The following AGAP1 variants were observed in gnomAD, a reference collection of about 807,000 sequenced individuals.
AGAP1 encodes the protein ArfGAP with GTPase domain, ankyrin repeat and PH domain 1.
AGAP1 carries 29 observed loss-of-function variants against 105.3 expected under a neutral mutation model. The observed-to-expected ratio is 0.28, with a 90% confidence interval of 0.21 to 0.38. The LOEUF (loss-of-function observed/expected upper bound fraction) is 0.38. Ranked by LOEUF, AGAP1 falls within the 10% of genes least tolerant of loss-of-function variation. The probability of loss-of-function intolerance (pLI) is 1.00; values close to 1 mark genes in which losing one functional copy is unlikely to be tolerated. For synonymous variants in AGAP1, 509 were observed against 485.9 expected, an observed-to-expected ratio of 1.05 and a Z score of -0.63; for missense variants, 998 against 1,165.1, an observed-to-expected ratio of 0.86 and a Z score of 2.09.
At position 235,864,793 on chromosome 2, in the gene AGAP1, G is replaced by A. The variant is rs1368808944; in HGVS notation, c.1051-18552G>A. Among the ~76,000 whole-genome samples the A allele has an allele frequency of 6.6e-6, 1 of 152,150 alleles. No homozygotes were observed. Among genetic ancestry groups the A allele is most frequent in the Non-Finnish European group, 1.5e-5 (1 of 68,034 alleles). On this transcript the variant is annotated intron_variant, in intron 9 of 17. Transcript: ENST00000304032. This position sits in a 1 kb window ranked among gnomAD's most constrained non-coding sequence, Gnocchi z 5.0. ...TTTCTTTTCTTTCCTTTGGATGGAGGAGGTTTGGTTTGGTCTTAGTACCCC... is the reference window on the plus strand; with the variant it reads ...TTTCTTTTCTTTCCTTTGGATGGAGAAGGTTTGGTTTGGTCTTAGTACCCC...
chr2:235,590,692 CGTGTGT>C (rs1183327731), intron 1 of AGAP1, among the ~76,000 whole-genome samples: 10 of 72,558 alleles, frequency 1.4e-4, no homozygotes, highest in East Asian at 5.2e-4. Flanking sequence ...TGTGCGTGTG[CGTGTGT>C]GTGTGTGTGT....
chr2:236,047,598 C>CTTTTTTTT lies in AGAP1; in HGVS notation c.1892-1446_1892-1439dup, dbSNP rs59007077. 6.7e-4 allele frequency among the ~76,000 whole-genome samples: 46 copies of CTTTTTTTT among 68,284 alleles called. 3 individuals are homozygous for CTTTTTTTT. The highest frequency in any genetic ancestry group is 3.1e-3 in the African/African-American group (44 of 14,154). 44.8% of individuals were successfully genotyped at this position (68,284 alleles called of 152,430 possible). ...GTCACAGACCTCTCTTCTCACATTTCTTTTTTTTTTTTTTTTTTTTTTGAG... is the reference window on the plus strand; with the variant it reads ...GTCACAGACCTCTCTTCTCACATTTCTTTTTTTTTTTTTTTTTTTTTTTTTTTTTTGAG... On this transcript the variant is annotated intron_variant, in intron 15 of 17. Transcript: ENST00000304032.
rs6753963 is a variant in AGAP1, at chr2:235,904,420, G to A, written c.1156-4318G>A. ...AGGTTTGCAATTACTACTTTTTCAA[G>A]CTGTTGAGGGGCAGGAGATGGCACC... On this transcript the variant is annotated intron_variant, in intron 10 of 17. Transcript: ENST00000304032. The surrounding 1 kb of genome is among the most constrained non-coding windows in gnomAD (Gnocchi z 4.2). 2.6e-4 allele frequency among the ~76,000 whole-genome samples: 39 copies of A among 152,262 alleles called. 1 individual carries two copies. Among genetic ancestry groups the A allele is most frequent in the African/African-American group, 8.9e-4 (37 of 41,562 alleles).
At chr2:236,029,336 C>T (rs1257897888) in intron 13 of AGAP1, among the ~76,000 whole-genome samples, 8 of 150,954 alleles carry the variant, frequency 5.3e-5, no homozygotes, top group Admixed American at 1.3e-4. Flanking sequence ...AGTGCAGTGG[C>T]GTGATCTCGG....
intron 15 of AGAP1, among the ~76,000 whole-genome samples, chr2:236,047,006 G>A (rs537727100): frequency 6.6e-6 from 1 of 152,318 alleles, no homozygotes; most frequent in South Asian, 2.1e-4. Flanking sequence ...ATGTGCACCT[G>A]TAGTCCCAGC....
chr2:235,890,952 A>AAAAAAAAAAAAAAAC (rs769338135), intron 10 of AGAP1, among the ~76,000 whole-genome samples: 1 of 150,662 alleles, frequency 6.6e-6, no homozygotes, highest in African/African-American at 2.5e-5. Context: ...CAAAAAAAAA[A>AAAAAAAAAAAAAAAC]ACACCTCAGT....
intron 6 of AGAP1, among the ~76,000 whole-genome samples, chr2:235,764,720 T>TG (rs1954778835): frequency 2.3e-5 from 1 of 43,186 alleles, no homozygotes; most frequent in Non-Finnish European, 4.4e-5. Flanking sequence ...GGAGCGCCCG[T>TG]GGGGTGGGGG....
intron 13 of AGAP1, among the ~76,000 whole-genome samples, chr2:235,974,110 G>A (rs572733011): frequency 6.6e-6 from 1 of 152,202 alleles, no homozygotes; most frequent in South Asian, 2.1e-4. Flanking sequence ...TTTGCATTAA[G>A]TGCTAATTTC....
In AGAP1 at chr2:236,129,459, C is replaced by A. The variant is rs2060053805; in HGVS notation, c.*5337C>A. The A allele has an allele frequency of 6.6e-6, 1 of 152,212 alleles. No homozygotes were observed. Among genetic ancestry groups the A allele is most frequent in the African/African-American group, 2.4e-5 (1 of 41,438 alleles). The allele number at this position is 152,212 out of a possible 1,614,324, so 9.4% of individuals were successfully genotyped here. ...TGGAGCTGGATCACTAAGAAACAGT[C>A]CTCAGACTGGTCCTTCCGACACAGG... On this transcript the variant is annotated 3_prime_UTR_variant, in exon 18 of 18. Transcript: ENST00000304032. This position sits in a 1 kb window ranked among gnomAD's most constrained non-coding sequence, Gnocchi z 6.2.
intron 6 of AGAP1, among the ~76,000 whole-genome samples, chr2:235,770,859 C>T (rs1955388611): frequency 6.6e-6 from 1 of 152,086 alleles, no homozygotes; most frequent in South Asian, 2.1e-4. Flanking sequence ...TACTCAAGTT[C>T]TAATCCCTGG....
chr2:235,988,725 C>T lies in AGAP1; in HGVS notation c.1645+20102C>T, dbSNP rs2055428452. ...TTATTTTTTTCCCGCCGACTCCACT[C>T]TGGCCAAGACGAGCTCTCAGATTGC... On this transcript the variant is annotated intron_variant, in intron 13 of 17. Transcript: ENST00000304032. The surrounding 1 kb of genome is among the most constrained non-coding windows in gnomAD (Gnocchi z 4.7). 6.6e-6 allele frequency among the ~76,000 whole-genome samples: 1 copy of T among 152,190 alleles called. No homozygotes were observed. Among genetic ancestry groups the T allele is most frequent in the African/African-American group, 2.4e-5 (1 of 41,450 alleles).
intron 3 of AGAP1, among the ~76,000 whole-genome samples, chr2:235,731,588 T>G (rs1951949876): frequency 6.6e-6 from 1 of 152,212 alleles, no homozygotes; most frequent in African/African-American, 2.4e-5. Context: ...CAGTTTTGCT[T>G]CTTCTGTTCA....
Position 235,513,062 on chromosome 2 carries a change from T to TCAAAA in AGAP1, c.163+18213_163+18214insCAAAA, listed in dbSNP as rs527967663. ...AGTTCTGGTCATTTTTGAGAAAATC[T>TCAAAA]AGTTTGCACTTTCATTGGGCCCCTT... On this transcript the variant is annotated intron_variant, in intron 1 of 17. Coordinates refer to ENST00000304032, the MANE Select transcript of AGAP1 (RefSeq NM_001037131.3). 1.4e-3 allele frequency among the ~76,000 whole-genome samples: 215 copies of TCAAAA among 152,318 alleles called. 1 individual carries two copies. Among genetic ancestry groups the TCAAAA allele is most frequent in the African/African-American group, 4.8e-3 (198 of 41,552 alleles).
At chr2:235,941,152 T>G (rs2053240092) in intron 12 of AGAP1, among the ~76,000 whole-genome samples, 1 of 152,178 alleles carries the variant, frequency 6.6e-6, no homozygotes, top group African/African-American at 2.4e-5. Flanking sequence ...TGTATACAGT[T>G]TATGGCAGAA....
At chr2:235,603,639 C>G (rs903201008) in intron 1 of AGAP1, among the ~76,000 whole-genome samples, 1 of 152,206 alleles carries the variant, frequency 6.6e-6, no homozygotes. Context: ...ATACCTTCTC[C>G]TTTCAGTAAA....
chr2:236,032,156 A>C (rs2057243702), intron 13 of AGAP1, among the ~76,000 whole-genome samples: 1 of 152,186 alleles, frequency 6.6e-6, no homozygotes, highest in Non-Finnish European at 1.5e-5. Flanking sequence ...GCTATCCCCC[A>C]AAACTCTTTG....
intron 1 of AGAP1, among the ~76,000 whole-genome samples, chr2:235,527,458 C>T: frequency 6.6e-6 from 1 of 152,152 alleles, no homozygotes; most frequent in East Asian, 1.9e-4. Context: ...GTAGCCTCGA[C>T]CTCCTAGGTT....
rs568930066 is a variant in AGAP1 at position 236,118,800 on chromosome 2, GTTCTTTGTAAAT to G, written c.2115-1386_2115-1375del. ...AGAGCTACTTGTAAAATCTCACACT[GTTCTTTGTAAAT>G]TTCTTGTCCCCCACCACCCTACCTT... On this transcript the variant is annotated intron_variant, in intron 16 of 17. Transcript: ENST00000304032. Among the ~76,000 whole-genome samples the G allele has an allele frequency of 8.5e-4, 129 of 152,118 alleles. 1 individual carries two copies. The highest frequency in any genetic ancestry group is 3.4e-3 in the Middle Eastern group (1 of 294).
chr2:235,697,212 T>G (rs1950039007), intron 1 of AGAP1, among the ~76,000 whole-genome samples: 1 of 152,090 alleles, frequency 6.6e-6, no homozygotes, highest in African/African-American at 2.4e-5. Flanking sequence ...CCCTCCCATT[T>G]CACAGATGAA....
Sources: gnomAD v4.1 joint callset for allele counts (sites outside exome capture counted in the v4.1 genomes callset) on GRCh38, gnomAD v4.1.1 for gene constraint, Gnocchi (gnomAD v3.1) non-coding constraint, MANE v1.5 for transcripts, NCBI Gene and HGNC (gene_info 2026-07-23, HGNC 2026-07-21) for gene names.